The following SPON1 variants were observed in gnomAD, a reference collection of about 807,000 sequenced individuals.
SPON1 encodes spondin-1.
Under a neutral mutation model 111.7 loss-of-function variants are expected in SPON1, and 52 were observed. That is an observed-to-expected ratio of 0.47 (90% CI 0.37 to 0.59). The LOEUF (loss-of-function observed/expected upper bound fraction) is 0.59. Among genes scored for constraint, SPON1 ranks in the 20% least tolerant of loss-of-function variants. The probability of loss-of-function intolerance (pLI) is 0.00; values close to 1 mark genes in which losing one functional copy is unlikely to be tolerated. For missense variants in SPON1, 957 were observed against 1,068.5 expected, an observed-to-expected ratio of 0.90 and a Z score of 1.46; for synonymous variants, 410 against 395.8, an observed-to-expected ratio of 1.04 and a Z score of -0.43.
intron 6 of SPON1, among the ~76,000 whole-genome samples, chr11:14,165,176 C>T (rs1200558732): frequency 6.6e-6 from 1 of 152,188 alleles, no homozygotes; most frequent in African/African-American, 2.4e-5. Flanking sequence ...GTTCAGCCTA[C>T]ACCCAGGAAT....
chr11:14,054,628 A>G, intron 3 of SPON1, among the ~76,000 whole-genome samples: 1 of 152,050 alleles, frequency 6.6e-6, no homozygotes, highest in African/African-American at 2.4e-5. Context: ...GACTCTGAAC[A>G]ACAGTCCCAG....
rs575501252 is a variant in SPON1 at position 14,098,710 on chromosome 11, C to T, written c.676+18689C>T. On this transcript the variant is annotated intron_variant, in intron 5 of 15. Coordinates refer to ENST00000576479, the MANE Select transcript of SPON1 (RefSeq NM_006108.4). ...AGAGAGAATAGGAGGGGAAGAGAGA[C>T]AGAGGGAGAAGAGGAGAGAGAGGGA... Among the ~76,000 whole-genome samples, 382 of 151,424 alleles carry T rather than the reference C, an allele frequency of 2.5e-3. 2 individuals carry two copies. Among genetic ancestry groups the T allele is most frequent in the African/African-American group, 8.2e-3 (338 of 41,214 alleles).
At chr11:14,201,553 C>G (rs1848464400) in intron 6 of SPON1, among the ~76,000 whole-genome samples, 1 of 151,912 alleles carries the variant, frequency 6.6e-6, no homozygotes, top group Non-Finnish European at 1.5e-5. Flanking sequence ...CCTCTGCCAC[C>G]ACACCTGGCT....
chr11:14,095,166 A>G lies in SPON1; in HGVS notation c.676+15145A>G, dbSNP rs964820306. 2.0e-5 allele frequency among the ~76,000 whole-genome samples: 3 copies of G among 152,194 alleles called. No individual in the cohort carries two copies. The South Asian group carries it at 6.2e-4, about 31-fold the overall frequency. ...CTGTCAGAATTTTAAGTGGGATTGC[A>G]CTAAGTCTCAAAATTACCTTGAGAG... On this transcript the variant is annotated intron_variant, in intron 5 of 15. Coordinates refer to ENST00000576479, the MANE Select transcript of SPON1 (RefSeq NM_006108.4).
chr11:14,059,239 G>A (rs1166614834), intron 3 of SPON1, among the ~76,000 whole-genome samples: 2 of 152,296 alleles, frequency 1.3e-5, no homozygotes, highest in East Asian at 3.9e-4. Context: ...GTGGAGGAGG[G>A]AAACAAAGGG....
chr11:14,264,947 T>C (rs1849246155), intron 15 of SPON1, among the ~76,000 whole-genome samples: 1 of 152,228 alleles, frequency 6.6e-6, no homozygotes, highest in Non-Finnish European at 1.5e-5. Flanking sequence ...GTGTTCCTTA[T>C]ATGGCTGCTG....
At chr11:14,190,982 A>G (rs1402046227) in intron 6 of SPON1, among the ~76,000 whole-genome samples, 3 of 151,760 alleles carry the variant, frequency 2.0e-5, no homozygotes, top group Admixed American at 1.3e-4. Context: ...AACAAAAAAG[A>G]AAAAAGCACT....
At chr11:14,136,894 A>G (rs566860857) in intron 6 of SPON1, among the ~76,000 whole-genome samples, 1 of 152,158 alleles carries the variant, frequency 6.6e-6, no homozygotes, top group Admixed American at 6.5e-5. Flanking sequence ...AGGGCTCTAT[A>G]TTGGTGCTAG....
At chr11:14,214,358 G>C (rs1405690079) in intron 6 of SPON1, among the ~76,000 whole-genome samples, 1 of 152,104 alleles carries the variant, frequency 6.6e-6, no homozygotes, top group African/African-American at 2.4e-5. Context: ...TGATGCTTCA[G>C]AATAAAAACA....
chr11:14,110,378 A>G (rs1849218163), intron 5 of SPON1, among the ~76,000 whole-genome samples: 1 of 152,180 alleles, frequency 6.6e-6, no homozygotes, highest in Non-Finnish European at 1.5e-5. Context: ...GCCTAATTGG[A>G]CTATACATTC....
chr11:14,218,505 C>T (rs1554937319), intron 6 of SPON1, among the ~76,000 whole-genome samples: 1 of 152,166 alleles, frequency 6.6e-6, no homozygotes, highest in Non-Finnish European at 1.5e-5. Flanking sequence ...TCCCCAGCAC[C>T]CAGTACACTT....
chr11:14,200,812 C>CAT (rs1554935543), intron 6 of SPON1, among the ~76,000 whole-genome samples: 10 of 63,240 alleles, frequency 1.6e-4, no homozygotes, highest in African/African-American at 2.6e-4. Flanking sequence ...AAGACCCTGT[C>CAT]TTAAAAAAAA....
chr11:14,266,201 G>GA lies in SPON1; in HGVS notation c.*519dup, dbSNP rs1377494919. ...TCCTCAGTCATCAATAGTTCCTGGG[G>GA]AAAAACAGAGCTGGTAGACTTGAAG... On this transcript the variant is annotated 3_prime_UTR_variant, in exon 16 of 16. Coordinates refer to ENST00000576479, the MANE Select transcript of SPON1 (RefSeq NM_006108.4). 6.6e-6 allele frequency: 1 copy of GA among 152,202 alleles called. No individual in the cohort carries two copies. The highest frequency in any genetic ancestry group is 1.5e-5 in the Non-Finnish European group (1 of 68,090). The allele number at this position is 152,202 out of a possible 1,614,324, so 9.4% of individuals were successfully genotyped here.
At chr11:14,088,875 G>A (rs1849028225) in intron 5 of SPON1, among the ~76,000 whole-genome samples, 1 of 151,352 alleles carries the variant, frequency 6.6e-6, no homozygotes, top group African/African-American at 2.4e-5. Flanking sequence ...CCTTATTTTG[G>A]TAAGTTGATC....
At chr11:14,089,473 C>T (rs1284182184) in intron 5 of SPON1, among the ~76,000 whole-genome samples, 8 of 152,168 alleles carry the variant, frequency 5.3e-5, no homozygotes, top group East Asian at 1.9e-4. Context: ...GCTCCAGAAT[C>T]GCAAAAATTG....
intron 6 of SPON1, among the ~76,000 whole-genome samples, chr11:14,150,828 T>C (rs1329943103): frequency 6.6e-6 from 1 of 152,182 alleles, no homozygotes; most frequent in African/African-American, 2.4e-5. Context: ...GGGCTTAACC[T>C]TGCCTTGGGA....
At chr11:14,152,046 A>T (rs1292275814) in intron 6 of SPON1, among the ~76,000 whole-genome samples, 1 of 152,162 alleles carries the variant, frequency 6.6e-6, no homozygotes, top group African/African-American at 2.4e-5. Flanking sequence ...CATTTGGCCC[A>T]GTTCCTGCCT....
chr11:14,198,986 A>T (rs533760056), intron 6 of SPON1, among the ~76,000 whole-genome samples: 203 of 152,294 alleles, frequency 1.3e-3, no homozygotes, highest in Non-Finnish European at 2.4e-3. Flanking sequence ...GACTTGAGTT[A>T]GTTTTGTTCC....
chr11:13,967,121 T>C (rs1791911142), intron 1 of SPON1, among the ~76,000 whole-genome samples: 1 of 152,194 alleles, frequency 6.6e-6, no homozygotes, highest in South Asian at 2.1e-4. Flanking sequence ...TTATCCATGG[T>C]CACACAGCTA....
Sources: gnomAD v4.1 joint callset for allele counts (sites outside exome capture counted in the v4.1 genomes callset) on GRCh38, gnomAD v4.1.1 for gene constraint, MANE v1.5 for transcripts, NCBI Gene and HGNC (gene_info 2026-07-23, HGNC 2026-07-21) for gene names.